Variants in TENM1 observed in about 807,000 individuals in gnomAD.
TENM1 encodes the protein teneurin transmembrane protein 1, also known as teneurin-1.
A neutral mutation model predicts 174.8 loss-of-function variants in TENM1; 35 were observed. The ratio of observed to expected loss-of-function variants is 0.20; its 90% CI spans 0.15 to 0.27. TENM1 has a LOEUF of 0.27. TENM1 is among the 10% of genes least tolerant of loss of function. The pLI, the probability that TENM1 is intolerant of heterozygous loss-of-function variation, is 1.00. For synonymous variants in TENM1, 781 were observed against 798.7 expected (o/e 0.98, Z 0.37); for missense variants, 1,633 against 2,130.1 (o/e 0.77, Z 4.59).
At chrX:124,487,339 C>G in intron 20 of TENM1, 110 bp from the exon 24 acceptor site, 1 of 711,042 alleles carries the variant, frequency 1.4e-6, no homozygotes, top group East Asian at 3.6e-5. Context: ...ACTCAGATTG[C>G]GGCATTTAGA....
chrX:124,904,913 A>C lies in TENM1; in HGVS notation c.218-8672T>G, dbSNP rs534811329. 1.6e-4 allele frequency among the ~76,000 whole-genome samples: 18 copies of C among 112,077 alleles called. No individual in the cohort carries two copies. In the South Asian group the frequency reaches 6.7e-3, roughly 42 times the overall value. On this transcript the variant is annotated intron_variant, in intron 1 of 31. Coordinates refer to ENST00000422452, the Ensembl canonical transcript of TENM1. Reference sequence around the variant, plus strand: ...ACCAGTTTCATGCCATATCCCAGATAGAATTTATCATCTCAGTAAGTTTGT... The same window carrying C: ...ACCAGTTTCATGCCATATCCCAGATCGAATTTATCATCTCAGTAAGTTTGT...
At chrX:125,056,733 G>A in the TENM1 span, among the ~76,000 whole-genome samples, 9 of 111,774 alleles carry the variant, frequency 8.1e-5, no homozygotes, top group South Asian at 7.4e-4. Context: ...CTCCAGCTCC[G>A]TAATTGATTC....
chrX:124,463,469 C>T (rs2061202088), intron 22 of TENM1, among the ~76,000 whole-genome samples: 1 of 111,514 alleles, frequency 9.0e-6, no homozygotes, highest in Non-Finnish European at 1.9e-5. Context: ...TCCACACAGG[C>T]CCTGCTTGAA....
exon 30 of TENM1, chrX:124,384,582 C>T (rs768099746): frequency 8.3e-7 from 1 of 1,211,404 alleles, no homozygotes; most frequent in Non-Finnish European, 1.1e-6. Context: ...TATTGGACTT[C>T]AATGACTTGT....
the TENM1 span, among the ~76,000 whole-genome samples, chrX:125,095,503 C>T: frequency 8.9e-6 from 1 of 111,852 alleles, no homozygotes; most frequent in Non-Finnish European, 1.9e-5. Context: ...AATTAATACA[C>T]ATCTTTTAAG....
At chrX:124,470,674 C>T (rs1220407756) in intron 22 of TENM1, among the ~76,000 whole-genome samples, 1 of 110,859 alleles carries the variant, frequency 9.0e-6, no homozygotes, top group Non-Finnish European at 1.9e-5. Flanking sequence ...TTACTACTGG[C>T]CTGCCAGGAT....
At chrX:125,184,998 C>T in the TENM1 span, among the ~76,000 whole-genome samples, 1 of 111,661 alleles carries the variant, frequency 9.0e-6, no homozygotes, top group Non-Finnish European at 1.9e-5. Flanking sequence ...TACATTGGCA[C>T]ATTTACCACG....
chrX:124,375,912 G>C (rs993947955), exon 32 of TENM1: 2 of 112,202 alleles, frequency 1.8e-5, no homozygotes, highest in East Asian at 2.8e-4. Flanking sequence ...ATTTTTCATT[G>C]GCAATTTTAT....
chrX:124,994,480 TTAAAAA>T, the TENM1 span, among the ~76,000 whole-genome samples: 1 of 110,118 alleles, frequency 9.1e-6, no homozygotes, highest in African/African-American at 3.3e-5. Context: ...TCCAAACAAG[TTAAAAA>T]TAACTGAAAC....
chrX:124,602,424 T>C (rs1424423297), intron 11 of TENM1, among the ~76,000 whole-genome samples: 4 of 111,432 alleles, frequency 3.6e-5, no homozygotes, highest in African/African-American at 1.3e-4. Context: ...TGTATTATCT[T>C]CCTCACCAGA....
At chrX:124,474,511 A>G (rs749046614) in intron 22 of TENM1, among the ~76,000 whole-genome samples, 1 of 112,309 alleles carries the variant, frequency 8.9e-6, no homozygotes, top group East Asian at 2.8e-4. Context: ...CAAATGCAGA[A>G]GAAAAAGTCA....
At chrX:124,715,403 ACT>A (rs1261933932) in intron 4 of TENM1, among the ~76,000 whole-genome samples, 1 of 109,835 alleles carries the variant, frequency 9.1e-6, no homozygotes, top group East Asian at 2.8e-4. Flanking sequence ...AAAAAAAAAA[ACT>A]CTTCATTTTG....
chrX:124,918,354 A>G (rs1241699420), intron 1 of TENM1, among the ~76,000 whole-genome samples: 1 of 109,708 alleles, frequency 9.1e-6, no homozygotes, highest in African/African-American at 3.3e-5. Flanking sequence ...TAATTTTTGT[A>G]TTTTTAATAG....
intron 11 of TENM1, among the ~76,000 whole-genome samples, chrX:124,608,872 A>T (rs1431311346): frequency 9.1e-6 from 1 of 109,759 alleles, no homozygotes; most frequent in Non-Finnish European, 1.9e-5. Flanking sequence ...TTTGAGCTAA[A>T]TCTAATTTGT....
the TENM1 span, among the ~76,000 whole-genome samples, chrX:125,030,530 G>C: frequency 8.9e-6 from 1 of 112,047 alleles, no homozygotes; most frequent in Non-Finnish European, 1.9e-5. Flanking sequence ...AAATGTTCAA[G>C]CTTATCCCTT....
At chrX:125,140,208 T>C in the TENM1 span, among the ~76,000 whole-genome samples, 1 of 111,861 alleles carries the variant, frequency 8.9e-6, no homozygotes, top group Admixed American at 9.5e-5. Flanking sequence ...TAAAGGCTTT[T>C]CATGTTGTTC....
At chrX:124,799,289 G>A (rs2055383357) in intron 3 of TENM1, among the ~76,000 whole-genome samples, 1 of 111,014 alleles carries the variant, frequency 9.0e-6, no homozygotes, top group African/African-American at 3.3e-5. Context: ...TGGGCAGTAT[G>A]GCCATTTTCA....
intron 1 of TENM1, among the ~76,000 whole-genome samples, chrX:124,943,807 G>T (rs933847112): frequency 1.8e-5 from 2 of 111,720 alleles, no homozygotes; most frequent in African/African-American, 6.5e-5. Context: ...CTCATGAATT[G>T]TTTACTTTTA....
chrX:124,415,439 T>TA (rs760189386), intron 25 of TENM1, among the ~76,000 whole-genome samples: 24 of 111,618 alleles, frequency 2.2e-4, no homozygotes, highest in African/African-American at 7.8e-4. Context: ...CTCCTGGTGC[T>TA]ACCTATTCCT....
Sources: allele counts gnomAD v4.1 joint callset (sites outside exome capture counted in the v4.1 genomes callset), GRCh38; gene constraint gnomAD v4.1.1; transcripts MANE v1.5; gene names NCBI Gene and HGNC (gene_info 2026-07-23, HGNC 2026-07-21).